Variants in DLG5 observed in about 807,000 individuals in gnomAD.
DLG5 encodes the protein disks large homolog 5.
Under a neutral mutation model 189.8 loss-of-function variants are expected in DLG5, and 48 were observed. The ratio of observed to expected loss-of-function variants is 0.25; its 90% CI spans 0.20 to 0.32. The LOEUF (loss-of-function observed/expected upper bound fraction) is 0.32. Ranked by LOEUF, DLG5 falls within the 10% of genes least tolerant of loss-of-function variation. The pLI, the probability that DLG5 is intolerant of heterozygous loss-of-function variation, is 1.00. For missense variants in DLG5, 2,160 were observed against 2,544.7 expected, an observed-to-expected ratio of 0.85 and a Z score of 3.25; for synonymous variants, 1,016 against 1,054.1, an observed-to-expected ratio of 0.96 and a Z score of 0.70.
chr10:77,907,697 C>T (rs1589273292), intron 1 of DLG5, among the ~76,000 whole-genome samples: 1 of 152,326 alleles, frequency 6.6e-6, no homozygotes, highest in African/African-American at 2.4e-5. Context: ...TTATTATCCC[C>T]ATTCCACAGA....
At chr10:77,914,262 T>C (rs1846301675) in intron 1 of DLG5, among the ~76,000 whole-genome samples, 1 of 152,214 alleles carries the variant, frequency 6.6e-6, no homozygotes, top group African/African-American at 2.4e-5. Context: ...CTTGGGCATC[T>C]CCCATTTGAA....
intron 1 of DLG5, among the ~76,000 whole-genome samples, chr10:77,923,561 C>G (rs1427870222): frequency 1.3e-5 from 2 of 152,186 alleles, no homozygotes; most frequent in African/African-American, 4.8e-5. Context: ...GAGTTCGAGA[C>G]CATCCTAGAC....
chr10:77,812,644 C>G (rs1189474231), intron 20 of DLG5, among the ~76,000 whole-genome samples: 1 of 152,192 alleles, frequency 6.6e-6, no homozygotes, highest in Non-Finnish European at 1.5e-5. Context: ...TCCGTGTGAA[C>G]TATAAACACT....
At chr10:77,803,487 G>T (rs764348797) in intron 27 of DLG5, among the ~76,000 whole-genome samples, 1 of 152,132 alleles carries the variant, frequency 6.6e-6, no homozygotes, top group Non-Finnish European at 1.5e-5. Flanking sequence ...AAAAGAAAAA[G>T]ATAAACTGTG....
chr10:77,882,938 C>A (rs1186434628), intron 1 of DLG5, among the ~76,000 whole-genome samples: 1 of 151,686 alleles, frequency 6.6e-6, no homozygotes, highest in Non-Finnish European at 1.5e-5. Context: ...AAAAAACACC[C>A]AAGAGCTTCA....
intron 2 of DLG5, among the ~76,000 whole-genome samples, chr10:77,865,938 A>C (rs1393364198): frequency 2.6e-5 from 4 of 152,188 alleles, no homozygotes; most frequent in African/African-American, 9.7e-5. Context: ...ATTTCTTCTC[A>C]TGCTGAATAC....
At chr10:77,900,697 G>C (rs1467801161) in intron 1 of DLG5, among the ~76,000 whole-genome samples, 1 of 152,188 alleles carries the variant, frequency 6.6e-6, no homozygotes, top group Non-Finnish European at 1.5e-5. Flanking sequence ...AGCACTTTGG[G>C]AGGCCGAGGC....
chr10:77,824,742 G>T, intron 13 of DLG5: 1 of 411,104 alleles, frequency 2.4e-6, no homozygotes, highest in Non-Finnish European at 4.3e-6. Flanking sequence ...GGACCCGGAG[G>T]GAACATCTTG....
intron 1 of DLG5, among the ~76,000 whole-genome samples, chr10:77,906,259 A>G (rs904955323): frequency 9.8e-5 from 15 of 152,296 alleles, no homozygotes; most frequent in Admixed American, 5.2e-4. Context: ...CCCCACACCC[A>G]CTGCTGATAG....
Position 77,843,470 on chromosome 10 carries a change from G to C in DLG5, c.1101C>G (p.His367Gln), listed in dbSNP as rs1381371544. ...QQRDTAIQLQ[H>Q]QCALSLRRFE... ...ACCTCCTCAGGGAGAGGGCGCACTG[G>C]TGCTGCAGCTGGATGGCCGTGTCCC... Residue 367 changes from histidine to glutamine, a missense_variant, in exon 6 of 32, where the codon CAC becomes CAG. This residue lies in a region of DLG5 where 664 missense variants were observed against 838.5 expected (regional missense o/e 0.79). Transcript: ENST00000372391. 2 of 1,613,984 alleles carry C rather than the reference G, an allele frequency of 1.2e-6. No homozygotes were observed. The highest frequency in any genetic ancestry group is 1.7e-6 in the Non-Finnish European group (2 of 1,180,050).
chr10:77,877,295 T>A (rs1589245827), intron 1 of DLG5, among the ~76,000 whole-genome samples: 1 of 138,694 alleles, frequency 7.2e-6, no homozygotes. Flanking sequence ...TTTGGTCTTT[T>A]TCTTTACTTT....
intron 5 of DLG5, among the ~76,000 whole-genome samples, chr10:77,844,582 A>G (rs1843592909): frequency 6.6e-6 from 1 of 152,236 alleles, no homozygotes; most frequent in South Asian, 2.1e-4. Context: ...TATGTCTAGC[A>G]CTGGTCTAGG....
At chr10:77,874,474 A>G (rs1192451844) in intron 1 of DLG5, among the ~76,000 whole-genome samples, 1 of 152,262 alleles carries the variant, frequency 6.6e-6, no homozygotes, top group Non-Finnish European at 1.5e-5. Context: ...ACCACAGCAG[A>G]AAATTCCACA....
At chr10:77,940,385 G>A in the DLG5 span, among the ~76,000 whole-genome samples, 52 of 152,266 alleles carry the variant, frequency 3.4e-4, 5 homozygotes, top group East Asian at 9.6e-4. Context: ...TGTGGGCTTC[G>A]TTTATTTCTA....
intron 1 of DLG5, among the ~76,000 whole-genome samples, chr10:77,898,535 T>C (rs959495726): frequency 3.3e-5 from 5 of 152,204 alleles, no homozygotes; most frequent in Non-Finnish European, 5.9e-5. Flanking sequence ...GCTTGGCTAT[T>C]AAAGCCAGAA....
rs139016495 is a variant in DLG5, at chr10:77,911,218, G to A, written c.304+14999C>T. Among the ~76,000 whole-genome samples, 23 of 152,080 alleles carry A rather than the reference G, an allele frequency of 1.5e-4. 1 individual carries two copies. The East Asian group carries it at 4.5e-3, about 29-fold the overall frequency. On this transcript the variant is annotated intron_variant, in intron 1 of 31. Transcript: ENST00000372391. Reference sequence around the variant, plus strand: ...ATCTCAGCTCATGCAACCTCTACCTGTCAGGTTCAAGGGATCCTCCCACCT... The same window carrying A: ...ATCTCAGCTCATGCAACCTCTACCTATCAGGTTCAAGGGATCCTCCCACCT...
intron 1 of DLG5, among the ~76,000 whole-genome samples, chr10:77,903,257 G>A (rs1030182022): frequency 6.6e-6 from 1 of 151,722 alleles, no homozygotes; most frequent in Non-Finnish European, 1.5e-5. Flanking sequence ...GAGAACCCCC[G>A]TCTCTACTAA....
chr10:77,906,738 T>A (rs1392042084), intron 1 of DLG5, among the ~76,000 whole-genome samples: 4 of 149,600 alleles, frequency 2.7e-5, no homozygotes, highest in African/African-American at 9.8e-5. Context: ...GACTCTCCTA[T>A]CTCAGCCTCC....
At chr10:77,874,557 A>G (rs1001270794) in intron 1 of DLG5, among the ~76,000 whole-genome samples, 5 of 152,220 alleles carry the variant, frequency 3.3e-5, no homozygotes, top group African/African-American at 1.2e-4. Context: ...CAAAGGAAAA[A>G]CAAAATTATC....
Sources: allele counts gnomAD v4.1 joint callset (sites outside exome capture counted in the v4.1 genomes callset), GRCh38; gene constraint gnomAD v4.1.1; regional missense constraint gnomAD v4.1.1; transcripts MANE v1.5; gene names NCBI Gene and HGNC (gene_info 2026-07-23, HGNC 2026-07-21).